Variants in ABCA3 observed in about 807,000 individuals in gnomAD.
ABCA3 encodes the protein phospholipid-transporting ATPase ABCA3.
Under a neutral mutation model 172.8 loss-of-function variants are expected in ABCA3, and 88 were observed. The ratio of observed to expected loss-of-function variants is 0.51; its 90% CI spans 0.43 to 0.61. The LOEUF (loss-of-function observed/expected upper bound fraction) is 0.61, where lower values mean the gene tolerates loss of function less well. ABCA3 is among the 20% of genes least tolerant of loss of function. ABCA3 has a pLI of 0.00. For synonymous variants in ABCA3, 1,066 were observed against 983.8 expected (o/e 1.08, Z -1.56); for missense variants, 2,164 against 2,301.0 (o/e 0.94, Z 1.22).
In ABCA3 at chr16:2,329,680, C is replaced by G. The variant is rs1222523202; in HGVS notation, c.-364G>C. 1 of 152,610 alleles carries G rather than the reference C, an allele frequency of 6.6e-6. No individual in the cohort carries two copies. Among genetic ancestry groups the G allele is most frequent in the Non-Finnish European group, 1.5e-5 (1 of 68,394 alleles). The allele number at this position is 152,610 out of a possible 1,614,324, so 9.5% of individuals were successfully genotyped here. A position where few individuals can be genotyped will look rare whatever the true frequency, so the allele number is the denominator to read the frequency against. ...CCAGAAGAGGCTCCACACAGCAGGT[C>G]TCCCTTCAGGACTACTGGGGAACTG... On this transcript the variant is annotated 5_prime_UTR_variant, in exon 2 of 33. Coordinates refer to ENST00000301732, the MANE Select transcript of ABCA3 (RefSeq NM_001089.3).
intron 1 of ABCA3, chr16:2,332,633 T>C (rs1342563378): frequency 1.2e-6 from 2 of 1,601,164 alleles, no homozygotes; most frequent in Non-Finnish European, 1.7e-6. Context: ...GGCTCAATCT[T>C]CTCCAGGGGC....
rs1333538534 is a variant in ABCA3 at position 2,278,547 on chromosome 16, G to A, written c.4548-89C>T. On this transcript the variant is annotated intron_variant, in intron 29 of 32. Coordinates refer to ENST00000301732, the MANE Select transcript of ABCA3 (RefSeq NM_001089.3). The surrounding 1 kb of genome is among the most constrained non-coding windows in gnomAD (Gnocchi z 4.4). ...CAGTGGAGGCCCGTGTCCCAGCAGC[G>A]GCCCACACCCAGCAATTGCAGAACA... 5 of 1,520,062 alleles carry A rather than the reference G, an allele frequency of 3.3e-6. No individual in the cohort carries two copies. The highest frequency in any genetic ancestry group is 1.8e-4 in the Middle Eastern group (1 of 5,566). 94.2% of individuals were successfully genotyped at this position (1,520,062 alleles called of 1,614,324 possible). A position where few individuals can be genotyped will look rare whatever the true frequency, so the allele number is the denominator to read the frequency against.
intron 12 of ABCA3, among the ~76,000 whole-genome samples, chr16:2,300,616 C>A (rs2093687380): frequency 6.6e-6 from 1 of 152,216 alleles, no homozygotes; most frequent in African/African-American, 2.4e-5. Flanking sequence ...ATGAGGAAGC[C>A]TCTTCCCATC....
At position 2,315,002 on chromosome 16, in the gene ABCA3, C is replaced by T. The variant is rs559457838; in HGVS notation, c.1111+2281G>A. ...AAGCGATGCTCCTGCCTCAGCCTCC[C>T]GAGTAGCTGGGACTACAGGTACCCG... On this transcript the variant is annotated intron_variant, in intron 10 of 32. Transcript: ENST00000301732. 5.3e-3 allele frequency among the ~76,000 whole-genome samples: 802 copies of T among 151,528 alleles called. 6 individuals carry two copies. Among genetic ancestry groups the T allele is most frequent in the Middle Eastern group, 6.8e-3 (2 of 292 alleles).
chr16:2,336,461 A>C (rs2093751899), intron 1 of ABCA3, among the ~76,000 whole-genome samples: 1 of 147,852 alleles, frequency 6.8e-6, no homozygotes, highest in Non-Finnish European at 1.5e-5. Context: ...ACAGAGTTTC[A>C]CTCTTGTTGC....
At chr16:2,330,566 G>A (rs1466839525) in intron 1 of ABCA3, among the ~76,000 whole-genome samples, 5 of 151,624 alleles carry the variant, frequency 3.3e-5, no homozygotes, top group Non-Finnish European at 4.4e-5. Context: ...GTGATCCGCC[G>A]ACCTTGGCCT....
At chr16:2,299,858 G>T in intron 13 of ABCA3, 147 bp downstream of exon 13, 1 of 1,190,858 alleles carries the variant, frequency 8.4e-7, no homozygotes, top group Non-Finnish European at 1.2e-6. Flanking sequence ...TTAGAGGGCA[G>T]CGGAGGGTTC....
At chr16:2,306,074 G>A (rs1247306091) in intron 11 of ABCA3, among the ~76,000 whole-genome samples, 1 of 152,118 alleles carries the variant, frequency 6.6e-6, no homozygotes, top group Non-Finnish European at 1.5e-5. Context: ...CACTCTAGCT[G>A]GGCGTGGTGG....
chr16:2,287,514 G>A lies in ABCA3; in HGVS notation c.3004+512C>T, dbSNP rs2093664910. Among the ~76,000 whole-genome samples the A allele has an allele frequency of 6.6e-6, 1 of 152,186 alleles. No individual in the cohort carries two copies. The highest frequency in any genetic ancestry group is 1.5e-5 in the Non-Finnish European group (1 of 68,030). ...GCTGGTCTCGAACTCCTGACCTCAA[G>A]TGATCCACCTGCCTCGGCCTCCCAA... is the stretch of plus-strand genomic sequence containing the variant. On this transcript the variant is annotated intron_variant, in intron 21 of 32. Coordinates refer to ENST00000301732, the MANE Select transcript of ABCA3 (RefSeq NM_001089.3). The surrounding 1 kb of genome is among the most constrained non-coding windows in gnomAD (Gnocchi z 4.1).
At chr16:2,317,788 G>C in intron 8 of ABCA3, 24 bp from the exon 9 acceptor site, 1 of 1,608,344 alleles carries the variant, frequency 6.2e-7, no homozygotes, top group Admixed American at 1.7e-5. Context: ...CCATCACGCT[G>C]CTGGGGGCCC....
intron 1 of ABCA3, chr16:2,332,522 C>G (rs1181120042): frequency 2.7e-5 from 27 of 987,574 alleles, no homozygotes; most frequent in Non-Finnish European, 4.3e-5. Context: ...ATCTGGGCCA[C>G]ATGACCACCA....
intron 5 of ABCA3, among the ~76,000 whole-genome samples, chr16:2,325,133 G>A (rs1382828173): frequency 2.0e-5 from 3 of 152,186 alleles, no homozygotes; most frequent in Non-Finnish European, 4.4e-5. Flanking sequence ...AGCACTCACA[G>A]TGGGAGTTCC....
Position 2,288,022 on chromosome 16 carries a change from T to A in ABCA3, c.3004+4A>T, listed in dbSNP as rs780464238. ...CCCCGTCCCGCCCCCGGGATGCCCC[T>A]TACCGAGCACCTCGCGGGGCTCCTG... On this transcript the variant is annotated splice_donor_region_variant and intron_variant, in intron 21 of 32. Transcript: ENST00000301732. 1 of 1,604,156 alleles carries A rather than the reference T, an allele frequency of 6.2e-7. No homozygotes were observed. Among genetic ancestry groups the A allele is most frequent in the Non-Finnish European group, 8.5e-7 (1 of 1,179,868 alleles).
rs752803983 is a variant in ABCA3 at position 2,324,426 on chromosome 16, C to A, written c.425G>T (p.Ser142Ile). The change falls in exon 6 of 33, where the codon AGC becomes ATC. Residue 142 changes from serine (S) to isoleucine (I), a missense_variant. Ser to Ile is a moderately radical substitution (Grantham distance 142). Around this residue, in one of 3 missense-constraint regions of ABCA3, gnomAD observed 1,343 missense variants for 1,369.6 expected, o/e 0.98. Transcript: ENST00000301732. ...AVVFEHPFNH[S>I]KEPLPLAVKY... is the part of the protein sequence containing the mutation. ...CACCGCCAGCGGCAGGGGCTCCTTG[C>A]TGTGGTTGAAGGGGTGCTCGAAGAC... 1 of 1,603,482 alleles carries A rather than the reference C, an allele frequency of 6.2e-7. No homozygotes were observed. The highest frequency in any genetic ancestry group is 2.2e-5 in the East Asian group (1 of 44,724).
rs750519716 is a variant in ABCA3 at position 2,308,587 on chromosome 16, A to T, written c.1148T>A (p.Phe383Tyr). 5.0e-6 allele frequency: 8 copies of T among 1,614,148 alleles called. No individual in the cohort carries two copies. Among genetic ancestry groups the T allele is most frequent in the Non-Finnish European group, 5.9e-6 (7 of 1,180,014 alleles). ...GAAGAAGTAGGGGATGTAGGTGAAG[A>T]AGTAGAGGAAGCCTCCGAAGGCTGC... ...MAAAFGGFLY[F>Y]FTYIPYFFVA... The change falls in exon 11 of 33, where the codon TTC becomes TAC. Residue 383 changes from phenylalanine to tyrosine, a missense_variant. This residue lies in a region of ABCA3 where 1,343 missense variants were observed against 1,369.6 expected (regional missense o/e 0.98). Transcript: ENST00000301732.
In ABCA3 at chr16:2,279,086, C is replaced by T. The variant is rs2093651220; in HGVS notation, c.4404G>A (p.Leu1468=). 6.2e-7 allele frequency: 1 copy of T among 1,612,808 alleles called. No homozygotes were observed. Among genetic ancestry groups the T allele is most frequent in the East Asian group, 2.2e-5 (1 of 44,874 alleles). Residue 1468 remains leucine, a synonymous_variant, in exon 29 of 33, where the codon CTG becomes CTA. Coordinates refer to ENST00000301732, the MANE Select transcript of ABCA3 (RefSeq NM_001089.3). This position sits in a 1 kb window ranked among gnomAD's most constrained non-coding sequence, Gnocchi z 4.4. ...GCATCTCCCGGCCTGTCATGTGGTC[C>T]AGCAAGGCATCAAACTGCGGGCAGT... is the stretch of plus-strand genomic sequence containing the variant. ...IGYCPQFDAL[L]DHMTGREMLV...
intron 1 of ABCA3, among the ~76,000 whole-genome samples, chr16:2,337,793 C>G (rs2093754221): frequency 6.6e-6 from 1 of 152,230 alleles, no homozygotes; most frequent in Admixed American, 6.5e-5. Context: ...GGCTGTGGCA[C>G]TGGCATCGCA....
At position 2,324,514 on chromosome 16, in the gene ABCA3, C is replaced by T. The variant is rs1445383505; in HGVS notation, c.337G>A (p.Glu113Lys). ...CTAATGTAGTCCTCAAAGTCCTTCT[C>T]GGAGGGAAAGCCGCGCACTGCAAAG... ...INMRVRGFPSEKDFEDYIRYD... is the reference protein window; with the variant it reads ...INMRVRGFPSKKDFEDYIRYD... Residue 113 changes from glutamate (E) to lysine (K), a missense_variant, in exon 6 of 33, where the codon GAG (glutamate) becomes AAG (lysine). Physicochemically the swap from Glu to Lys is moderately conservative, Grantham distance 56. Coordinates refer to ENST00000301732, the MANE Select transcript of ABCA3 (RefSeq NM_001089.3). 1.1e-5 allele frequency: 18 copies of T among 1,610,490 alleles called. No individual in the cohort carries two copies. Among genetic ancestry groups the T allele is most frequent in the African/African-American group, 8.0e-5 (6 of 75,028 alleles).
In ABCA3 at chr16:2,285,285, G is replaced by A. The variant is rs1280652659; in HGVS notation, c.3483+157C>T. On this transcript the variant is annotated intron_variant, in intron 23 of 32. Coordinates refer to ENST00000301732, the MANE Select transcript of ABCA3 (RefSeq NM_001089.3). The surrounding 1 kb of genome is among the most constrained non-coding windows in gnomAD (Gnocchi z 4.7). ...AAGGCTGAGGGTGCAGGGAGGAGGCGAGGGGGCAGCCGCCAGGGGATTCCA... is the reference window on the plus strand; with the variant it reads ...AAGGCTGAGGGTGCAGGGAGGAGGCAAGGGGGCAGCCGCCAGGGGATTCCA... Among the ~76,000 whole-genome samples, 4 of 152,338 alleles carry A rather than the reference G, an allele frequency of 2.6e-5. No homozygotes were observed. The highest frequency in any genetic ancestry group is 5.9e-5 in the Non-Finnish European group (4 of 68,024).
Sources: gnomAD v4.1 joint callset for allele counts (sites outside exome capture counted in the v4.1 genomes callset) on GRCh38, gnomAD v4.1.1 for gene constraint, gnomAD v4.1.1 regional missense constraint, Gnocchi (gnomAD v3.1) non-coding constraint, MANE v1.5 for transcripts, NCBI Gene and HGNC (gene_info 2026-07-23, HGNC 2026-07-21) for gene names.